Variants in MYRIP observed in about 807,000 individuals in gnomAD.
MYRIP encodes rab effector MyRIP.
MYRIP carries 49 observed loss-of-function variants against 98.0 expected under a neutral mutation model. The ratio of observed to expected loss-of-function variants is 0.50; its 90% CI spans 0.40 to 0.63. The LOEUF is 0.63. MYRIP is among the 30% of genes least tolerant of loss of function. MYRIP has a pLI of 0.00. For synonymous variants in MYRIP, 404 were observed against 409.5 expected (o/e 0.99, Z 0.16); for missense variants, 1,004 against 1,058.2 (o/e 0.95, Z 0.71).
At chr3:40,142,631 G>A (rs902285413) in intron 3 of MYRIP, among the ~76,000 whole-genome samples, 1 of 151,838 alleles carries the variant, frequency 6.6e-6, no homozygotes, top group African/African-American at 2.4e-5. Context: ...CCTGATTTTT[G>A]TATTTTTTGT....
chr3:40,201,432 T>TAC (rs1559449494), intron 10 of MYRIP, among the ~76,000 whole-genome samples: 8 of 111,454 alleles, frequency 7.2e-5, no homozygotes, highest in African/African-American at 2.3e-4. Flanking sequence ...CAATGTAATA[T>TAC]GAAGGACTCA....
intron 1 of MYRIP, 133 bp from the exon 2 acceptor site, chr3:39,900,654 A>G: frequency 2.1e-6 from 1 of 485,796 alleles, no homozygotes; most frequent in African/African-American, 2.0e-5. Context: ...GCTGAGTCTG[A>G]GTCAAGAGAA....
chr3:39,835,736 C>T (rs1941600205), intron 1 of MYRIP, among the ~76,000 whole-genome samples: 1 of 152,094 alleles, frequency 6.6e-6, no homozygotes, highest in African/African-American at 2.4e-5. Context: ...AATGCTATCC[C>T]TCCCCTTGCC....
At chr3:40,151,540 TA>T (rs1264400129) in intron 4 of MYRIP, among the ~76,000 whole-genome samples, 3 of 152,162 alleles carry the variant, frequency 2.0e-5, no homozygotes, top group Admixed American at 6.5e-5. Context: ...ACAGAGAGAG[TA>T]CATCTGTCCC....
Position 40,190,265 on chromosome 3 carries a change from C to G in MYRIP, c.1467C>G (p.Arg489=), listed in dbSNP as rs772482685. 85 of 1,613,966 alleles carry G rather than the reference C, an allele frequency of 5.3e-5. No homozygotes were observed. Among genetic ancestry groups the G allele is most frequent in the Non-Finnish European group, 6.8e-5 (80 of 1,180,030 alleles). Residue 489 remains arginine, a synonymous_variant, in exon 10 of 17, where the codon CGC becomes CGG. Transcript: ENST00000302541. Reference sequence around the variant, plus strand: ...GGAACCCTGCAGCTGAGAAGATGCGCTTGCATGGAGAGCTGGACGTGAACT... The same window carrying G: ...GGAACCCTGCAGCTGAGAAGATGCGGTTGCATGGAGAGCTGGACGTGAACT... ...APRNPAAEKM[R]LHGELDVNFN...
At chr3:40,085,115 G>T (rs1948597740) in intron 3 of MYRIP, among the ~76,000 whole-genome samples, 1 of 146,724 alleles carries the variant, frequency 6.8e-6, no homozygotes, top group African/African-American at 2.5e-5. Flanking sequence ...CAGATAATAT[G>T]TGTCTATGTG....
At chr3:40,252,759 T>C (rs564456987) in intron 16 of MYRIP, among the ~76,000 whole-genome samples, 16 of 152,288 alleles carry the variant, frequency 1.1e-4, no homozygotes, top group East Asian at 7.7e-4. Context: ...TTGTCCAAGA[T>C]AGAATCTTAG....
chr3:39,995,115 CTA>C (rs1283082918), intron 2 of MYRIP, among the ~76,000 whole-genome samples: 2 of 152,318 alleles, frequency 1.3e-5, no homozygotes, highest in East Asian at 3.9e-4. Flanking sequence ...ACTGGAAACT[CTA>C]AATATCAGAG....
intron 2 of MYRIP, among the ~76,000 whole-genome samples, chr3:39,977,922 A>G (rs1356610023): frequency 6.6e-6 from 1 of 152,074 alleles, no homozygotes; most frequent in East Asian, 1.9e-4. Context: ...TCATTTATCA[A>G]TGTCTGTGGA....
intron 2 of MYRIP, among the ~76,000 whole-genome samples, chr3:39,946,492 G>C (rs1350150340): frequency 6.6e-6 from 1 of 152,142 alleles, no homozygotes; most frequent in African/African-American, 2.4e-5. Flanking sequence ...CTGACTGCTA[G>C]GAACGAAAGG....
intron 10 of MYRIP, among the ~76,000 whole-genome samples, chr3:40,200,424 A>G (rs901780986): frequency 3.9e-5 from 6 of 152,062 alleles, no homozygotes; most frequent in Non-Finnish European, 7.4e-5. Context: ...CATAAATCCA[A>G]CAAAGTTTTA....
rs537130759 is a variant in MYRIP, at chr3:40,089,780, C to T, written c.332+45509C>T. On this transcript the variant is annotated intron_variant, in intron 3 of 16. Transcript: ENST00000302541. ...TATTTTAATGGCCTTGGCAATGGAT[C>T]GTTCATGCAGAATTGCATTTGCTTC... 1.2e-3 allele frequency among the ~76,000 whole-genome samples: 178 copies of T among 152,250 alleles called. 2 individuals carry two copies. In the South Asian group the frequency reaches 0.035, roughly 30 times the overall value.
chr3:39,938,369 C>A (rs1227350102), intron 2 of MYRIP, among the ~76,000 whole-genome samples: 1 of 152,072 alleles, frequency 6.6e-6, no homozygotes, highest in East Asian at 1.9e-4. Flanking sequence ...ATGTATTGAT[C>A]TATTCTACTG....
intron 3 of MYRIP, among the ~76,000 whole-genome samples, chr3:40,066,242 G>T (rs1311235684): frequency 3.3e-5 from 5 of 152,140 alleles, no homozygotes; most frequent in Non-Finnish European, 2.9e-5. Context: ...TACTGCCCTT[G>T]TATCAGGTGA....
chr3:40,090,757 C>A (rs1948723941), intron 3 of MYRIP, among the ~76,000 whole-genome samples: 1 of 152,154 alleles, frequency 6.6e-6, no homozygotes, highest in African/African-American at 2.4e-5. Flanking sequence ...TGTTTCTGTG[C>A]CTTCCTTTCC....
chr3:40,136,734 G>A (rs1037335687), intron 3 of MYRIP, among the ~76,000 whole-genome samples: 18 of 151,922 alleles, frequency 1.2e-4, no homozygotes, highest in Non-Finnish European at 2.1e-4. Context: ...AGAAACTCAC[G>A]CAAAACTGAT....
chr3:40,148,840 A>G (rs906244492), intron 3 of MYRIP, among the ~76,000 whole-genome samples: 2 of 152,216 alleles, frequency 1.3e-5, no homozygotes, highest in African/African-American at 4.8e-5. Flanking sequence ...TGGTGAATAA[A>G]GGTAACCAAC....
chr3:40,173,204 A>G (rs1950661140), intron 8 of MYRIP: 1 of 152,204 alleles, frequency 6.6e-6, no homozygotes, highest in Non-Finnish European at 1.5e-5. Flanking sequence ...TTAGCTCCAC[A>G]TGAGAGCACC....
intron 10 of MYRIP, among the ~76,000 whole-genome samples, chr3:40,195,859 G>T (rs1403594846): frequency 6.6e-6 from 1 of 152,088 alleles, no homozygotes; most frequent in Non-Finnish European, 1.5e-5. Flanking sequence ...AAGTTTGGGA[G>T]AATTCACCTT....
Sources: allele counts gnomAD v4.1 joint callset (sites outside exome capture counted in the v4.1 genomes callset), GRCh38; gene constraint gnomAD v4.1.1; transcripts MANE v1.5; gene names NCBI Gene and HGNC (gene_info 2026-07-23, HGNC 2026-07-21).